The following LRRC8C variants were observed in gnomAD, a reference collection of about 807,000 sequenced individuals.
The protein encoded by LRRC8C is volume-regulated anion channel subunit LRRC8C.
LRRC8C carries 20 observed loss-of-function variants against 55.3 expected under a neutral mutation model. That is an observed-to-expected ratio of 0.36 (90% CI 0.25 to 0.53). The LOEUF is 0.53. Ranked by LOEUF, LRRC8C falls within the 20% of genes least tolerant of loss-of-function variation. The pLI is 0.92. For synonymous variants in LRRC8C, 376 were observed against 360.7 expected, an observed-to-expected ratio of 1.04 and a Z score of -0.48; for missense variants, 659 against 951.4, an observed-to-expected ratio of 0.69 and a Z score of 4.04.
chr1:89,686,947 A>G (rs973772478), intron 2 of LRRC8C, among the ~76,000 whole-genome samples: 10 of 152,356 alleles, frequency 6.6e-5, no homozygotes, highest in East Asian at 3.9e-4. Flanking sequence ...TGATACTGCC[A>G]AAGTGGAACT....
Position 89,718,404 on chromosome 1 carries a change from G to A in LRRC8C, c.*3422G>A, listed in dbSNP as rs996778498. 1.3e-5 allele frequency: 2 copies of A among 152,132 alleles called. No homozygotes were observed. Among genetic ancestry groups the A allele is most frequent in the Non-Finnish European group, 2.9e-5 (2 of 68,002 alleles). 9.4% of individuals were successfully genotyped at this position (152,132 alleles called of 1,614,324 possible). A position where few individuals can be genotyped will look rare whatever the true frequency, so the allele number is the denominator to read the frequency against. On this transcript the variant is annotated 3_prime_UTR_variant, in exon 3 of 3. Transcript: ENST00000370454. ...TCTTCCTTGTATTTACTTGGGTTAA[G>A]TGAAGTCCAAATTCTTACAGTATGC...
chr1:89,713,428 G>T lies in LRRC8C; in HGVS notation c.858G>T (p.Lys286Asn). Residue 286 changes from lysine (K) to asparagine (N), a missense_variant, in exon 3 of 3, where the codon AAG becomes AAT. Physicochemically the swap from Lys to Asn is moderately conservative, Grantham distance 94. Transcript: ENST00000370454. The surrounding 1 kb of genome is among the most constrained non-coding windows in gnomAD (Gnocchi z 5.2). Reference sequence around the variant, plus strand: ...CATATAATAGTGCTCTGGTTTCCAAGGTCCAGTTTACAGTGGACTGTAATG... The same window carrying T: ...CATATAATAGTGCTCTGGTTTCCAATGTCCAGTTTACAGTGGACTGTAATG... ...IIAYNSALVS[K>N]VQFTVDCNVD... 6.2e-7 allele frequency: 1 copy of T among 1,614,146 alleles called. No individual in the cohort carries two copies. The highest frequency in any genetic ancestry group is 8.5e-7 in the Non-Finnish European group (1 of 1,180,026).
rs1417686621 is a variant in LRRC8C, at chr1:89,719,036, T to G, written c.*4054T>G. On this transcript the variant is annotated 3_prime_UTR_variant, in exon 3 of 3. Transcript: ENST00000370454. ...TCCTGCCAGCCATCCAAACTAAGCA[T>G]CCACTCATTCCATCTTCCCAAAGTC... 1 of 152,154 alleles carries G rather than the reference T, an allele frequency of 6.6e-6. No individual in the cohort carries two copies. The highest frequency in any genetic ancestry group is 2.4e-5 in the African/African-American group (1 of 41,440). 9.4% of individuals were successfully genotyped at this position (152,154 alleles called of 1,614,324 possible). A position where few individuals can be genotyped will look rare whatever the true frequency, so the allele number is the denominator to read the frequency against.
intron 1 of LRRC8C, among the ~76,000 whole-genome samples, chr1:89,664,152 C>T (rs1450247647): frequency 1.3e-5 from 2 of 152,082 alleles, no homozygotes; most frequent in Non-Finnish European, 2.9e-5. Context: ...TTAATTATAT[C>T]CCATTTGTCA....
the LRRC8C span, among the ~76,000 whole-genome samples, chr1:89,615,869 G>A: frequency 6.6e-6 from 1 of 152,154 alleles, no homozygotes; most frequent in African/African-American, 2.4e-5. Flanking sequence ...CTAAATGCCA[G>A]ATGATTAAAA....
At position 89,652,172 on chromosome 1, in the gene LRRC8C, C is replaced by T. The variant is rs570338446; in HGVS notation, c.-5+18850C>T. Among the ~76,000 whole-genome samples, 4 of 152,024 alleles carry T rather than the reference C, an allele frequency of 2.6e-5. No homozygotes were observed. The East Asian group carries it at 7.7e-4, about 29-fold the overall frequency. On this transcript the variant is annotated intron_variant, in intron 1 of 2. Transcript: ENST00000370454. ...CATACCTTGTTGGAATTTAGATACA[C>T]AATGAAATATGAAGATAAAACAATG... is the stretch of plus-strand genomic sequence containing the variant.
chr1:89,642,832 G>A (rs1186470557), intron 1 of LRRC8C, among the ~76,000 whole-genome samples: 1 of 143,182 alleles, frequency 7.0e-6, no homozygotes, highest in Admixed American at 7.2e-5. Flanking sequence ...GGGCGACAGA[G>A]CAAGACTCCA....
intron 1 of LRRC8C, among the ~76,000 whole-genome samples, chr1:89,668,746 G>A (rs1657336397): frequency 6.6e-6 from 1 of 152,166 alleles, no homozygotes; most frequent in Non-Finnish European, 1.5e-5. Context: ...CTCTCTTTGT[G>A]TGTTTCCTCT....
chr1:89,697,266 A>G (rs1399965907), intron 2 of LRRC8C, among the ~76,000 whole-genome samples: 7 of 152,256 alleles, frequency 4.6e-5, no homozygotes, highest in Admixed American at 3.3e-4. Flanking sequence ...TAAAATAATC[A>G]TTTAAAAATA....
In LRRC8C at chr1:89,713,243, T is replaced by C; in HGVS notation, c.673T>C (p.Ser225Pro). The part of the protein sequence containing the change: ...SIPEKFVVDK[S>P]TAGALDKKEG... ...TCCTGAGAAGTTTGTAGTTGATAAA[T>C]CCACTGCAGGGGCTCTGGATAAAAA... The change falls in exon 3 of 3, where the codon TCC becomes CCC. Residue 225 changes from serine to proline, a missense_variant. Coordinates refer to ENST00000370454, the MANE Select transcript of LRRC8C (RefSeq NM_032270.5). The surrounding 1 kb of genome is among the most constrained non-coding windows in gnomAD (Gnocchi z 5.2). 1 of 1,614,124 alleles carries C rather than the reference T, an allele frequency of 6.2e-7. No homozygotes were observed. Among genetic ancestry groups the C allele is most frequent in the East Asian group, 2.2e-5 (1 of 44,882 alleles).
intron 1 of LRRC8C, among the ~76,000 whole-genome samples, chr1:89,647,310 A>G (rs1011930309): frequency 6.6e-6 from 1 of 152,206 alleles, no homozygotes; most frequent in Non-Finnish European, 1.5e-5. Context: ...CCAAATTAGG[A>G]ACATGATCTT....
the LRRC8C span, among the ~76,000 whole-genome samples, chr1:89,625,371 AAT>A: frequency 1.3e-5 from 2 of 152,214 alleles, no homozygotes; most frequent in African/African-American, 4.8e-5. Context: ...CAATGAAAGA[AAT>A]ATGACTGGAA....
At chr1:89,675,985 A>G (rs1268400625) in intron 1 of LRRC8C, among the ~76,000 whole-genome samples, 3 of 152,190 alleles carry the variant, frequency 2.0e-5, no homozygotes, top group African/African-American at 7.2e-5. Context: ...GGACTATTAG[A>G]TCTCAGCTTA....
At chr1:89,646,069 G>A (rs1656606587) in intron 1 of LRRC8C, among the ~76,000 whole-genome samples, 1 of 151,976 alleles carries the variant, frequency 6.6e-6, no homozygotes, top group Non-Finnish European at 1.5e-5. Context: ...AGCTGGATTA[G>A]ATTCCCAAAA....
At chr1:89,709,762 T>G (rs6684118) in intron 2 of LRRC8C, among the ~76,000 whole-genome samples, 7 of 151,094 alleles carry the variant, frequency 4.6e-5, no homozygotes, top group African/African-American at 1.5e-4. Flanking sequence ...TTTGTTTTTT[T>G]TTTGTTTGAG....
intron 1 of LRRC8C, among the ~76,000 whole-genome samples, chr1:89,678,453 T>C (rs10922698): frequency 0.33 from 49,388 of 151,950 alleles, 8,131 homozygotes; most frequent in East Asian, 0.37. Context: ...CTAATCCCAG[T>C]ACTTTGGGAG....
the LRRC8C span, among the ~76,000 whole-genome samples, chr1:89,618,174 C>A: frequency 2.0e-3 from 300 of 152,316 alleles, no homozygotes; most frequent in African/African-American, 6.8e-3. Flanking sequence ...CATGGTTGGT[C>A]TTTCTGGTAA....
chr1:89,621,733 C>T, the LRRC8C span, among the ~76,000 whole-genome samples: 1 of 152,166 alleles, frequency 6.6e-6, no homozygotes. Flanking sequence ...AATATTGTTG[C>T]TCTTTCCTCC....
chr1:89,709,717 G>T (rs1346731897), intron 2 of LRRC8C, among the ~76,000 whole-genome samples: 1 of 146,868 alleles, frequency 6.8e-6, no homozygotes, highest in Non-Finnish European at 1.5e-5. Flanking sequence ...GTGTTTTTTT[G>T]TTTTGTTTTG....
Sources: allele counts gnomAD v4.1 joint callset (sites outside exome capture counted in the v4.1 genomes callset), GRCh38; gene constraint gnomAD v4.1.1; non-coding constraint Gnocchi (gnomAD v3.1); transcripts MANE v1.5; gene names NCBI Gene and HGNC (gene_info 2026-07-23, HGNC 2026-07-21).